Variants in GRID1 observed in about 807,000 individuals in gnomAD.
The protein encoded by GRID1 is glutamate ionotropic receptor delta type subunit 1.
A neutral mutation model predicts 98.0 loss-of-function variants in GRID1; 28 were observed. The observed-to-expected ratio is 0.29, with a 90% confidence interval of 0.21 to 0.39. The LOEUF is 0.39. Among genes scored for constraint, GRID1 ranks in the 10% least tolerant of loss-of-function variants. GRID1 has a pLI of 1.00. For synonymous variants in GRID1, 553 were observed against 538.5 expected (o/e 1.03, Z -0.37); for missense variants, 1,111 against 1,340.5 (o/e 0.83, Z 2.67).
At position 86,170,128 on chromosome 10, in the gene GRID1, C is replaced by T. The variant is rs117646817; in HGVS notation, c.521-31104G>A. Among the ~76,000 whole-genome samples the T allele has an allele frequency of 5.4e-3, 826 of 152,334 alleles. 23 individuals carry two copies. In the East Asian group the frequency reaches 0.08, roughly 15 times the overall value. ...GCAAGCCTGGGGCTTGAGGGAATCA[C>T]ACAGCCAAAGAGGACCACAACGGTG... is the stretch of plus-strand genomic sequence containing the variant. On this transcript the variant is annotated intron_variant, in intron 3 of 15. Coordinates refer to ENST00000327946, the MANE Select transcript of GRID1 (RefSeq NM_017551.3).
At chr10:85,808,136 A>G (rs1842639242) in intron 8 of GRID1, among the ~76,000 whole-genome samples, 1 of 152,232 alleles carries the variant, frequency 6.6e-6, no homozygotes, top group South Asian at 2.1e-4. Context: ...AACTGATTTC[A>G]GGCCTTAGAT....
chr10:86,178,791 T>C (rs186537030), intron 3 of GRID1, among the ~76,000 whole-genome samples: 4 of 152,192 alleles, frequency 2.6e-5, no homozygotes, highest in Admixed American at 6.5e-5. Flanking sequence ...CCCTGCTTGA[T>C]TCGGAGTGAG....
At chr10:85,942,237 T>C (rs7096816) in intron 4 of GRID1, among the ~76,000 whole-genome samples, 54,676 of 152,106 alleles carry the variant, frequency 0.36, 10,060 homozygotes, top group East Asian at 0.51. Flanking sequence ...GATGCTATCC[T>C]GTGCTCCCCT....
intron 15 of GRID1, among the ~76,000 whole-genome samples, chr10:85,611,991 C>A (rs1337544936): frequency 6.6e-6 from 1 of 152,210 alleles, no homozygotes; most frequent in Non-Finnish European, 1.5e-5. Flanking sequence ...CTGGCCCCAG[C>A]TTCACATTCC....
At chr10:85,905,821 G>A (rs149793202) in intron 5 of GRID1, among the ~76,000 whole-genome samples, 85 of 152,120 alleles carry the variant, frequency 5.6e-4, no homozygotes, top group African/African-American at 1.9e-3. Flanking sequence ...TCACCCATAA[G>A]AGGTTTTAAA....
intron 15 of GRID1, chr10:85,606,674 G>A (rs1429405363): frequency 6.6e-6 from 1 of 152,018 alleles, no homozygotes; most frequent in East Asian, 1.9e-4. Flanking sequence ...TATTACCTGG[G>A]GTCATAGATT....
intron 5 of GRID1, among the ~76,000 whole-genome samples, chr10:85,899,448 T>A (rs1246613638): frequency 1.3e-5 from 2 of 152,176 alleles, no homozygotes; most frequent in East Asian, 3.8e-4. Context: ...GACTGCTGAG[T>A]CTACAGACAT....
intron 3 of GRID1, among the ~76,000 whole-genome samples, chr10:86,182,095 T>G (rs1845664033): frequency 6.6e-6 from 1 of 152,164 alleles, no homozygotes; most frequent in Non-Finnish European, 1.5e-5. Context: ...TCCACATCAG[T>G]CTCCGTGGGT....
intron 2 of GRID1, among the ~76,000 whole-genome samples, chr10:86,222,389 CT>C (rs1846269842): frequency 6.6e-6 from 1 of 152,172 alleles, no homozygotes; most frequent in East Asian, 1.9e-4. Flanking sequence ...CCCTCAGAGC[CT>C]TGAGGGACTC....
chr10:86,341,779 C>T (rs570301020), intron 2 of GRID1, among the ~76,000 whole-genome samples: 1 of 152,346 alleles, frequency 6.6e-6, no homozygotes, highest in South Asian at 2.1e-4. Context: ...GCTCAAAGGG[C>T]CTGGACCGAG....
At chr10:86,013,728 A>T (rs1278627762) in intron 4 of GRID1, among the ~76,000 whole-genome samples, 1 of 152,234 alleles carries the variant, frequency 6.6e-6, no homozygotes, top group Non-Finnish European at 1.5e-5. Context: ...AGAGAAGAAC[A>T]TCATGCTAGT....
intron 4 of GRID1, among the ~76,000 whole-genome samples, chr10:86,054,076 C>G (rs760785192): frequency 2.6e-5 from 4 of 152,192 alleles, no homozygotes; most frequent in Non-Finnish European, 5.9e-5. Flanking sequence ...CTAGTCCAGG[C>G]TCCAAAAAGC....
At chr10:85,638,998 A>G (rs1377977685) in intron 13 of GRID1, among the ~76,000 whole-genome samples, 1 of 152,232 alleles carries the variant, frequency 6.6e-6, no homozygotes, top group East Asian at 1.9e-4. Flanking sequence ...ACCAGAGGTG[A>G]TGCAAAGTAG....
intron 8 of GRID1, among the ~76,000 whole-genome samples, chr10:85,828,484 A>G (rs1284980875): frequency 6.6e-6 from 1 of 152,188 alleles, no homozygotes; most frequent in Non-Finnish European, 1.5e-5. Context: ...AAAACCATAC[A>G]GAAGATCAAC....
chr10:85,731,009 C>G (rs1372541866), intron 8 of GRID1, among the ~76,000 whole-genome samples: 1 of 152,140 alleles, frequency 6.6e-6, no homozygotes, highest in Non-Finnish European at 1.5e-5. Flanking sequence ...TGGAAAAGTG[C>G]TACTGGGGGC....
chr10:85,816,081 G>A, intron 8 of GRID1, among the ~76,000 whole-genome samples: 1 of 152,064 alleles, frequency 6.6e-6, no homozygotes, highest in South Asian at 2.1e-4. Context: ...TGGTGGAAAT[G>A]CAAAATTATA....
At chr10:85,923,706 A>G (rs1191804096) in intron 4 of GRID1, among the ~76,000 whole-genome samples, 1 of 152,198 alleles carries the variant, frequency 6.6e-6, no homozygotes, top group Non-Finnish European at 1.5e-5. Context: ...TTTCCAATGC[A>G]AAACCCATAT....
intron 2 of GRID1, among the ~76,000 whole-genome samples, chr10:86,311,194 T>C (rs565997939): frequency 6.6e-6 from 1 of 152,224 alleles, no homozygotes; most frequent in South Asian, 2.1e-4. Flanking sequence ...CTCATTACCA[T>C]TGACAAAAGG....
chr10:85,822,263 G>C (rs1842779843), intron 8 of GRID1, among the ~76,000 whole-genome samples: 1 of 152,046 alleles, frequency 6.6e-6, no homozygotes, highest in Admixed American at 6.5e-5. Flanking sequence ...CTACAGAATG[G>C]GAGAAAATTT....
Sources: allele counts gnomAD v4.1 joint callset (sites outside exome capture counted in the v4.1 genomes callset), GRCh38; gene constraint gnomAD v4.1.1; transcripts MANE v1.5; gene names NCBI Gene and HGNC (gene_info 2026-07-23, HGNC 2026-07-21).